The following UNC5D variants were observed in gnomAD, a reference collection of about 807,000 sequenced individuals.
UNC5D encodes the protein netrin receptor UNC5D.
A neutral mutation model predicts 105.4 loss-of-function variants in UNC5D; 39 were observed. The ratio of observed to expected loss-of-function variants is 0.37; its 90% CI spans 0.29 to 0.48. The LOEUF (loss-of-function observed/expected upper bound fraction) is 0.48. Ranked by LOEUF, UNC5D falls within the 20% of genes least tolerant of loss-of-function variation. The probability of loss-of-function intolerance (pLI) is 0.98; values close to 1 mark genes in which losing one functional copy is unlikely to be tolerated. For synonymous variants in UNC5D, 452 were observed against 450.4 expected, an observed-to-expected ratio of 1.00 and a Z score of -0.04; for missense variants, 991 against 1,202.4, an observed-to-expected ratio of 0.82 and a Z score of 2.60.
At chr8:35,366,328 C>T (rs888473020) in intron 1 of UNC5D, among the ~76,000 whole-genome samples, 1 of 151,972 alleles carries the variant, frequency 6.6e-6, no homozygotes, top group Admixed American at 6.6e-5. Flanking sequence ...TCTCTCTTGC[C>T]ACATGGTCTT....
At chr8:35,687,926 C>T (rs778530143) in intron 7 of UNC5D, among the ~76,000 whole-genome samples, 7 of 151,974 alleles carry the variant, frequency 4.6e-5, no homozygotes, top group Non-Finnish European at 7.4e-5. Flanking sequence ...GTCAGGTGAT[C>T]GAGACCATCC....
At chr8:35,495,516 C>T (rs1811522248) in intron 1 of UNC5D, among the ~76,000 whole-genome samples, 3 of 128,322 alleles carry the variant, frequency 2.3e-5, no homozygotes, top group Admixed American at 2.3e-4. Flanking sequence ...AGAAAGTTTA[C>T]AAATTTGTGT....
intron 1 of UNC5D, among the ~76,000 whole-genome samples, chr8:35,249,042 T>A (rs1182124835): frequency 3.1e-4 from 11 of 35,760 alleles, no homozygotes; most frequent in East Asian, 5.6e-3. Flanking sequence ...TAATATATAT[T>A]ATATAAAAAT....
At chr8:35,353,331 T>C (rs1812376228) in intron 1 of UNC5D, among the ~76,000 whole-genome samples, 1 of 152,174 alleles carries the variant, frequency 6.6e-6, no homozygotes, top group Admixed American at 6.5e-5. Context: ...GTTTGAGAAT[T>C]ACCAAAGAAA....
At chr8:35,634,176 G>A (rs1217759434) in intron 4 of UNC5D, among the ~76,000 whole-genome samples, 1 of 152,176 alleles carries the variant, frequency 6.6e-6, no homozygotes, top group Non-Finnish European at 1.5e-5. Flanking sequence ...AAAACGGTTT[G>A]TAAACTCCAA....
chr8:35,461,229 T>C (rs1248228673), intron 1 of UNC5D, among the ~76,000 whole-genome samples: 1 of 152,162 alleles, frequency 6.6e-6, no homozygotes, highest in Non-Finnish European at 1.5e-5. Context: ...GAACGGACAT[T>C]TGATGAAGTT....
At chr8:35,760,668 A>T (rs1274183989) in intron 14 of UNC5D, among the ~76,000 whole-genome samples, 1 of 152,150 alleles carries the variant, frequency 6.6e-6, no homozygotes, top group East Asian at 1.9e-4. Flanking sequence ...CTTCTGGCGG[A>T]CTCACATTGA....
chr8:35,271,363 G>GTGCACGTGTGTATGTATATGTACACACA (rs1563267317), intron 1 of UNC5D, among the ~76,000 whole-genome samples: 3 of 99,682 alleles, frequency 3.0e-5, no homozygotes, highest in Non-Finnish European at 3.8e-5. Flanking sequence ...GCATACACAC[G>GTGCACGTGTGTATGTATATGTACACACA]TGCACGTGTG....
intron 9 of UNC5D, chr8:35,724,399 C>T: frequency 8.0e-7 from 1 of 1,247,622 alleles, no homozygotes; most frequent in Non-Finnish European, 1.1e-6. Flanking sequence ...GCAATACATC[C>T]AGTGCCCCGG....
chr8:35,688,235 A>G (rs1826158106), intron 7 of UNC5D, among the ~76,000 whole-genome samples: 2 of 152,006 alleles, frequency 1.3e-5, no homozygotes, highest in East Asian at 3.9e-4. Flanking sequence ...TCTCTGGGAA[A>G]TATCCAGCAA....
At chr8:35,710,387 T>C (rs532885367) in intron 8 of UNC5D, among the ~76,000 whole-genome samples, 1 of 152,294 alleles carries the variant, frequency 6.6e-6, no homozygotes, top group East Asian at 1.9e-4. Flanking sequence ...ATTACTGGTA[T>C]GGGGAAAACT....
chr8:35,516,052 CT>C (rs370202270), intron 1 of UNC5D, among the ~76,000 whole-genome samples: 12 of 152,018 alleles, frequency 7.9e-5, no homozygotes, highest in East Asian at 5.8e-4. Flanking sequence ...AATTCCTATG[CT>C]TTTTTTTATG....
chr8:35,283,520 G>A (rs764371611), intron 1 of UNC5D, among the ~76,000 whole-genome samples: 1 of 152,158 alleles, frequency 6.6e-6, no homozygotes, highest in Non-Finnish European at 1.5e-5. Context: ...CCAGCACTTT[G>A]GGAGGCCAGG....
chr8:35,647,665 A>C (rs1458181468), intron 4 of UNC5D, among the ~76,000 whole-genome samples: 2 of 152,288 alleles, frequency 1.3e-5, no homozygotes, highest in East Asian at 3.9e-4. Flanking sequence ...ACAAAAATAC[A>C]ATCACCAGTA....
chr8:35,591,203 T>C (rs1819150818), intron 3 of UNC5D, among the ~76,000 whole-genome samples: 1 of 152,094 alleles, frequency 6.6e-6, no homozygotes, highest in South Asian at 2.1e-4. Flanking sequence ...GTTAGGTTAC[T>C]CATGAATACT....
intron 2 of UNC5D, among the ~76,000 whole-genome samples, chr8:35,550,993 T>A (rs1405918778): frequency 6.6e-6 from 1 of 152,198 alleles, no homozygotes; most frequent in Non-Finnish European, 1.5e-5. Flanking sequence ...AAACTCAGTT[T>A]AATCAATGGC....
intron 1 of UNC5D, among the ~76,000 whole-genome samples, chr8:35,331,706 A>AT (rs1382699732): frequency 6.6e-6 from 1 of 152,158 alleles, no homozygotes; most frequent in East Asian, 1.9e-4. Context: ...TTGAAGGAGA[A>AT]TTGAACAGAA....
intron 4 of UNC5D, among the ~76,000 whole-genome samples, chr8:35,635,110 G>A (rs1586302466): frequency 6.6e-6 from 1 of 152,152 alleles, no homozygotes; most frequent in Non-Finnish European, 1.5e-5. Flanking sequence ...TGACTTCTTG[G>A]AAGAGTGCAC....
chr8:35,460,703 C>T (rs146039634), intron 1 of UNC5D, among the ~76,000 whole-genome samples: 2,866 of 152,322 alleles, frequency 0.019, 100 homozygotes, highest in African/African-American at 0.065. Context: ...AGCCTTTGCA[C>T]GCATGTTGGA....
Sources: gnomAD v4.1 joint callset for allele counts (sites outside exome capture counted in the v4.1 genomes callset) on GRCh38, gnomAD v4.1.1 for gene constraint, MANE v1.5 for transcripts, NCBI Gene and HGNC (gene_info 2026-07-23, HGNC 2026-07-21) for gene names.